The following PIGU variants were observed in gnomAD, a reference collection of about 807,000 sequenced individuals.
The protein encoded by PIGU is GPI-anchor transamidase component PIGU.
In PIGU, 24 loss-of-function variants were observed where a neutral mutation model predicts 49.9. That is an observed-to-expected ratio of 0.48 (90% confidence interval 0.35 to 0.68). The LOEUF (loss-of-function observed/expected upper bound fraction) is 0.68, where lower values mean the gene tolerates loss of function less well. PIGU is among the 30% of genes least tolerant of loss of function. The pLI is 0.01. For synonymous variants in PIGU, 220 were observed against 205.7 expected, an observed-to-expected ratio of 1.07 and a Z score of -0.59; for missense variants, 490 against 532.6, an observed-to-expected ratio of 0.92 and a Z score of 0.79.
At chr20:34,597,557 C>A (rs1984248503) in intron 7 of PIGU, among the ~76,000 whole-genome samples, 1 of 152,148 alleles carries the variant, frequency 6.6e-6, no homozygotes, top group African/African-American at 2.4e-5. Context: ...TATTAAGATT[C>A]ATGCACTTCA....
chr20:34,640,499 G>A (rs1406943), intron 4 of PIGU, among the ~76,000 whole-genome samples: 3,012 of 16,432 alleles, frequency 0.18, 99 homozygotes, highest in African/African-American at 0.26. Context: ...GTGCGCACGC[G>A]CACACACACA....
chr20:34,665,377 G>GT (rs1417307598), intron 1 of PIGU, among the ~76,000 whole-genome samples: 2 of 150,634 alleles, frequency 1.3e-5, no homozygotes, highest in Non-Finnish European at 3.0e-5. Context: ...CTAATTTTTT[G>GT]TATTTTTAGT....
At chr20:34,601,978 G>A (rs538843831) in intron 7 of PIGU, among the ~76,000 whole-genome samples, 20 of 152,294 alleles carry the variant, frequency 1.3e-4, no homozygotes, top group South Asian at 4.1e-4. Context: ...GACTTAAAAC[G>A]TGTATGTAAA....
intron 7 of PIGU, among the ~76,000 whole-genome samples, chr20:34,614,831 T>A (rs751611966): frequency 6.6e-6 from 1 of 152,122 alleles, no homozygotes; most frequent in African/African-American, 2.4e-5. Context: ...GAATACACAC[T>A]CAGCTTTAGC....
At chr20:34,597,056 G>T (rs1303043979) in intron 7 of PIGU, among the ~76,000 whole-genome samples, 1 of 152,134 alleles carries the variant, frequency 6.6e-6, no homozygotes, top group African/African-American at 2.4e-5. Flanking sequence ...TTGTAAAATG[G>T]TGCAAAAACT....
Position 34,677,041 on chromosome 20 carries a change from C to G in PIGU, c.45G>C (p.Val15=), listed in dbSNP as rs1470943416. The change falls in exon 1 of 12, where the codon GTG becomes GTC. Residue 15 remains valine (V), a synonymous_variant. Coordinates refer to ENST00000217446, the MANE Select transcript of PIGU (RefSeq NM_080476.5). ...LVLVLVVAVT[V]RAALFRSSLA... ...GACTGGAGCGGAACAAGGCCGCCCGCACTGTCACAGCCACCACCAGCACCA... is the reference window on the plus strand; with the variant it reads ...GACTGGAGCGGAACAAGGCCGCCCGGACTGTCACAGCCACCACCAGCACCA... The G allele has an allele frequency of 6.3e-7, 1 of 1,577,024 alleles. No individual in the cohort carries two copies. The highest frequency in any genetic ancestry group is 8.6e-7 in the Non-Finnish European group (1 of 1,161,806).
intron 1 of PIGU, among the ~76,000 whole-genome samples, chr20:34,660,323 G>T (rs909084624): frequency 1.3e-5 from 2 of 152,204 alleles, no homozygotes; most frequent in African/African-American, 4.8e-5. Context: ...GGTGGTTCAT[G>T]CCTGTAATCC....
chr20:34,672,711 A>G (rs948757043), intron 1 of PIGU, among the ~76,000 whole-genome samples: 1 of 151,904 alleles, frequency 6.6e-6, no homozygotes, highest in Admixed American at 6.6e-5. Context: ...AAAAACAATT[A>G]GCAAAGTGTG....
chr20:34,622,291 G>C lies in PIGU; in HGVS notation c.530-6152C>G, dbSNP rs968101971. Among the ~76,000 whole-genome samples, 3 of 152,066 alleles carry C rather than the reference G, an allele frequency of 2.0e-5. No homozygotes were observed. In the East Asian group the frequency reaches 5.8e-4, roughly 29 times the overall value. The stretch of plus-strand genomic sequence containing the variant: ...CTCAGCACTTTGGGAGGCCGAGGAG[G>C]GTGGATCACAAGGTCAGGAGTTCGA... On this transcript the variant is annotated intron_variant, in intron 6 of 11. Transcript: ENST00000217446.
At chr20:34,586,441 C>T (rs947444782) in intron 8 of PIGU, among the ~76,000 whole-genome samples, 12 of 152,100 alleles carry the variant, frequency 7.9e-5, no homozygotes, top group African/African-American at 2.4e-4. Context: ...CACCTGGCAC[C>T]GCAACTCCTA....
chr20:34,609,537 G>A (rs1256037610), intron 7 of PIGU, among the ~76,000 whole-genome samples: 1 of 151,946 alleles, frequency 6.6e-6, no homozygotes, highest in Non-Finnish European at 1.5e-5. Flanking sequence ...GCTAATTTTT[G>A]TACTTTTAGT....
At chr20:34,631,871 G>T (rs1189513015) in intron 6 of PIGU, among the ~76,000 whole-genome samples, 2 of 136,914 alleles carry the variant, frequency 1.5e-5, no homozygotes, top group Non-Finnish European at 3.1e-5. Context: ...GCAGGGTCTT[G>T]CTCTGTTGCC....
At chr20:34,671,528 C>T (rs750343938) in intron 1 of PIGU, among the ~76,000 whole-genome samples, 14 of 152,106 alleles carry the variant, frequency 9.2e-5, no homozygotes, top group Non-Finnish European at 1.5e-4. Context: ...CTCCCAAGTG[C>T]TGGGATTACA....
intron 1 of PIGU, among the ~76,000 whole-genome samples, chr20:34,658,396 G>C (rs1244879233): frequency 1.3e-5 from 2 of 152,196 alleles, no homozygotes; most frequent in Admixed American, 6.5e-5. Context: ...CGAGATTGCA[G>C]CCTCTGCCCG....
At chr20:34,575,077 A>G (rs377672196) in intron 11 of PIGU, 27 bp downstream of exon 11, 2 of 1,611,822 alleles carry the variant, frequency 1.2e-6, no homozygotes, top group South Asian at 1.1e-5. Flanking sequence ...CCTGTCCCCA[A>G]GCTGACCCCC....
intron 7 of PIGU, among the ~76,000 whole-genome samples, chr20:34,595,035 G>A (rs1194154631): frequency 1.4e-5 from 2 of 138,784 alleles, no homozygotes; most frequent in Non-Finnish European, 3.0e-5. Context: ...GACGGAGCTT[G>A]CAGTGAGCCG....
At chr20:34,612,915 G>A (rs1045254080) in intron 7 of PIGU, among the ~76,000 whole-genome samples, 1 of 152,004 alleles carries the variant, frequency 6.6e-6, no homozygotes, top group Admixed American at 6.6e-5. Context: ...AAGCTACCAC[G>A]CCTGGCTCAG....
At chr20:34,562,202 C>T (rs1471481637) in intron 11 of PIGU, among the ~76,000 whole-genome samples, 1 of 152,242 alleles carries the variant, frequency 6.6e-6, no homozygotes, top group East Asian at 1.9e-4. Context: ...CCACTGGTCC[C>T]TGGAGCAGGT....
At chr20:34,565,497 T>C (rs187100135) in intron 11 of PIGU, among the ~76,000 whole-genome samples, 8 of 152,066 alleles carry the variant, frequency 5.3e-5, no homozygotes, top group Non-Finnish European at 7.4e-5. Flanking sequence ...CCAGACCTCA[T>C]GATCCGCCCA....
Sources: allele counts gnomAD v4.1 joint callset (sites outside exome capture counted in the v4.1 genomes callset), GRCh38; gene constraint gnomAD v4.1.1; transcripts MANE v1.5; gene names NCBI Gene and HGNC (gene_info 2026-07-23, HGNC 2026-07-21).